The following RBFOX1 variants were observed in gnomAD, a reference collection of about 807,000 sequenced individuals.
RBFOX1 encodes the protein RNA binding protein fox-1 homolog 1.
Under a neutral mutation model 57.7 loss-of-function variants are expected in RBFOX1, and 8 were observed. The ratio of observed to expected loss-of-function variants is 0.14; its 90% CI spans 0.08 to 0.25. The LOEUF is 0.25. Among genes scored for constraint, RBFOX1 ranks in the 10% least tolerant of loss-of-function variants. The pLI, the probability that RBFOX1 is intolerant of heterozygous loss-of-function variation, is 1.00. For missense variants in RBFOX1, 611 were observed against 548.5 expected (o/e 1.11, Z -1.14); for synonymous variants, 326 against 222.4 (o/e 1.47, Z -4.15).
At chr16:6,042,368 G>A (rs2095446646) in intron 1 of RBFOX1, among the ~76,000 whole-genome samples, 1 of 151,998 alleles carries the variant, frequency 6.6e-6, no homozygotes, top group Non-Finnish European at 1.5e-5. Context: ...CAAAGTGCTG[G>A]GATTACAGGC....
chr16:5,547,709 C>T (rs1334291237), intron 2 of RBFOX1, among the ~76,000 whole-genome samples: 6 of 152,134 alleles, frequency 3.9e-5, no homozygotes, highest in African/African-American at 1.4e-4. Flanking sequence ...GAATACTACA[C>T]AGCCGTATCA....
chr16:7,594,082 A>G (rs1191926766), intron 7 of RBFOX1, among the ~76,000 whole-genome samples: 1 of 152,062 alleles, frequency 6.6e-6, no homozygotes, highest in Non-Finnish European at 1.5e-5. Flanking sequence ...CCCATCAACT[A>G]GTCATTTACA....
At chr16:6,157,274 G>A (rs2096845090) in intron 1 of RBFOX1, among the ~76,000 whole-genome samples, 1 of 152,132 alleles carries the variant, frequency 6.6e-6, no homozygotes, top group Non-Finnish European at 1.5e-5. Context: ...ACAGCAAACA[G>A]GTGGCCAAGG....
chr16:7,167,556 C>T (rs1298187757), intron 4 of RBFOX1, among the ~76,000 whole-genome samples: 1 of 152,104 alleles, frequency 6.6e-6, no homozygotes, highest in Non-Finnish European at 1.5e-5. Context: ...TGCGACCCCG[C>T]CAGTACCTTG....
At chr16:5,332,856 G>A (rs2341521) in intron 1 of RBFOX1, among the ~76,000 whole-genome samples, 137,442 of 152,116 alleles carry the variant, frequency 0.9, 63,749 homozygotes, top group East Asian at 1. Context: ...TTCTGTTCCC[G>A]AGTCACCAGG....
chr16:6,066,044 C>T (rs2095756855), intron 1 of RBFOX1, among the ~76,000 whole-genome samples: 1 of 151,968 alleles, frequency 6.6e-6, no homozygotes, highest in South Asian at 2.1e-4. Flanking sequence ...GCCTGTAATC[C>T]CAGCACTTTG....
At chr16:6,505,319 G>A (rs1281786570) in intron 2 of RBFOX1, among the ~76,000 whole-genome samples, 1 of 152,090 alleles carries the variant, frequency 6.6e-6, no homozygotes, top group African/African-American at 2.4e-5. Context: ...TCACTCAATT[G>A]AGCTTTGTTT....
chr16:7,581,153 A>C (rs2093728760), intron 6 of RBFOX1, among the ~76,000 whole-genome samples: 1 of 152,154 alleles, frequency 6.6e-6, no homozygotes, highest in Non-Finnish European at 1.5e-5. Flanking sequence ...CCTAATATTG[A>C]AGATACCCAG....
intron 4 of RBFOX1, among the ~76,000 whole-genome samples, chr16:7,116,275 C>T (rs555082747): frequency 2.0e-5 from 3 of 152,200 alleles, no homozygotes; most frequent in African/African-American, 4.8e-5. Flanking sequence ...CCTGGCTATC[C>T]GAGCTGCTCT....
chr16:6,387,186 G>C (rs1287317399), intron 2 of RBFOX1, among the ~76,000 whole-genome samples: 1 of 152,200 alleles, frequency 6.6e-6, no homozygotes, highest in East Asian at 1.9e-4. Context: ...GAATAAGGCA[G>C]TTCTTGTAAG....
At chr16:7,273,761 A>G (rs779298431) in intron 4 of RBFOX1, among the ~76,000 whole-genome samples, 2 of 152,172 alleles carry the variant, frequency 1.3e-5, no homozygotes, top group Non-Finnish European at 2.9e-5. Context: ...AGTGGAGAAG[A>G]TATTTGCCAT....
intron 4 of RBFOX1, among the ~76,000 whole-genome samples, chr16:7,505,364 A>C (rs2151933484): frequency 6.6e-6 from 1 of 152,280 alleles, no homozygotes; most frequent in South Asian, 2.1e-4. Flanking sequence ...TTCAGTGGCA[A>C]GACAGGGTCC....
At chr16:6,302,092 A>G (rs951049659) in intron 1 of RBFOX1, among the ~76,000 whole-genome samples, 1 of 152,076 alleles carries the variant, frequency 6.6e-6, no homozygotes, top group Non-Finnish European at 1.5e-5. Flanking sequence ...AACTTCCTAC[A>G]TGTCCTGTGG....
chr16:6,295,147 C>G (rs185769503), intron 1 of RBFOX1, among the ~76,000 whole-genome samples: 3 of 128,234 alleles, frequency 2.3e-5, no homozygotes, highest in African/African-American at 6.1e-5. Flanking sequence ...ATCTCTCTGT[C>G]GGAGTCTCTC....
intron 3 of RBFOX1, among the ~76,000 whole-genome samples, chr16:5,865,031 T>C (rs2057314634): frequency 6.6e-6 from 1 of 152,104 alleles, no homozygotes; most frequent in Admixed American, 6.5e-5. Flanking sequence ...TTCCACCTAA[T>C]GGGGGGAATA....
intron 3 of RBFOX1, among the ~76,000 whole-genome samples, chr16:6,714,860 T>C (rs1335570750): frequency 1.3e-5 from 2 of 151,934 alleles, no homozygotes; most frequent in Non-Finnish European, 2.9e-5. Context: ...AGGTTCTGTT[T>C]GGGAGGCAGA....
chr16:6,252,310 G>T (rs2097621972), intron 1 of RBFOX1, among the ~76,000 whole-genome samples: 1 of 152,096 alleles, frequency 6.6e-6, no homozygotes, highest in Non-Finnish European at 1.5e-5. Context: ...TAGGTGTTGG[G>T]AAGAAGAATC....
At chr16:7,251,762 T>G (rs905895707) in intron 4 of RBFOX1, among the ~76,000 whole-genome samples, 1 of 152,112 alleles carries the variant, frequency 6.6e-6, no homozygotes, top group Admixed American at 6.6e-5. Flanking sequence ...TGATTCCATA[T>G]CTTAGCTATA....
At chr16:5,669,571 C>T (rs1163771447) in intron 3 of RBFOX1, among the ~76,000 whole-genome samples, 1 of 152,108 alleles carries the variant, frequency 6.6e-6, no homozygotes, top group Non-Finnish European at 1.5e-5. Context: ...AGGCATGCAC[C>T]ACCATGGCTA....
Sources: gnomAD v4.1 joint callset for allele counts (sites outside exome capture counted in the v4.1 genomes callset) on GRCh38, gnomAD v4.1.1 for gene constraint, MANE v1.5 for transcripts, NCBI Gene and HGNC (gene_info 2026-07-23, HGNC 2026-07-21) for gene names.